Variants in PGM2L1 observed in about 807,000 individuals in gnomAD.
The protein encoded by PGM2L1 is phosphoglucomutase 2 like 1.
PGM2L1 carries 35 observed loss-of-function variants against 73.4 expected under a neutral mutation model. The ratio of observed to expected loss-of-function variants is 0.48; its 90% confidence interval spans 0.36 to 0.63. PGM2L1 has a LOEUF of 0.63. Among genes scored for constraint, PGM2L1 ranks in the 30% least tolerant of loss-of-function variants. The probability of loss-of-function intolerance (pLI) is 0.00; values close to 1 mark genes in which losing one functional copy is unlikely to be tolerated. For synonymous variants in PGM2L1, 225 were observed against 253.8 expected, an observed-to-expected ratio of 0.89 and a Z score of 1.08; for missense variants, 570 against 742.0, an observed-to-expected ratio of 0.77 and a Z score of 2.69.
At chr11:74,394,061 G>A (rs754549552) in intron 1 of PGM2L1, among the ~76,000 whole-genome samples, 10 of 152,220 alleles carry the variant, frequency 6.6e-5, no homozygotes, top group Middle Eastern at 3.4e-3. Flanking sequence ...TCATCTGTTC[G>A]CTGCCTGGAG....
intron 5 of PGM2L1, chr11:74,354,631 A>G (rs1862413966): frequency 1.7e-6 from 2 of 1,143,526 alleles, no homozygotes; most frequent in East Asian, 4.7e-5. Context: ...CACATATGCC[A>G]CTGTGGAGGA....
chr11:74,346,624 A>T, intron 8 of PGM2L1, 108 bp downstream of exon 8: 1 of 825,472 alleles, frequency 1.2e-6, no homozygotes, highest in Non-Finnish European at 1.9e-6. Flanking sequence ...TTTACAGGAA[A>T]TTTATGTTCT....
At chr11:74,362,458 A>G (rs1214125842) in intron 5 of PGM2L1, among the ~76,000 whole-genome samples, 1 of 152,236 alleles carries the variant, frequency 6.6e-6, no homozygotes, top group Admixed American at 6.5e-5. Flanking sequence ...TGTAAAGACT[A>G]TTAATGCTAG....
chr11:74,374,447 T>C lies in PGM2L1; in HGVS notation c.247A>G (p.Ile83Val), dbSNP rs1565443331. Residue 83 changes from isoleucine (I) to valine (V), a missense_variant, in exon 2 of 14, where the codon ATT (isoleucine) becomes GTT (valine). Physicochemically the swap from Ile to Val is conservative, Grantham distance 29. Transcript: ENST00000298198. ...RSAMGAGFCY[I>V]NDLTVIQSTQ... ...GACTGTATTACTGTAAGGTCATTAA[T>C]ATAGCAAAACCCTGCCCCCATGGCA... 1 of 1,613,736 alleles carries C rather than the reference T, an allele frequency of 6.2e-7. No homozygotes were observed. The highest frequency in any genetic ancestry group is 8.5e-7 in the Non-Finnish European group (1 of 1,179,822).
chr11:74,392,344 T>TA (rs1863114741), intron 1 of PGM2L1, among the ~76,000 whole-genome samples: 1 of 151,738 alleles, frequency 6.6e-6, no homozygotes, highest in Non-Finnish European at 1.5e-5. Flanking sequence ...TTTGGAAGTA[T>TA]AAAGAAAAAA....
rs1250699225 is a variant in PGM2L1, at chr11:74,345,679, G to C, written c.1038-30C>G. On this transcript the variant is annotated intron_variant, in intron 8 of 13. Coordinates refer to ENST00000298198, the MANE Select transcript of PGM2L1 (RefSeq NM_173582.6). ...AGAGAGAAGGAAAATACAATGTCAAGACCTTTCTTCTCATTAAAACTTCTT... is the reference window on the plus strand; with the variant it reads ...AGAGAGAAGGAAAATACAATGTCAACACCTTTCTTCTCATTAAAACTTCTT... 3.1e-6 allele frequency: 5 copies of C among 1,594,970 alleles called. No individual in the cohort carries two copies. The East Asian group carries it at 1.1e-4, about 36-fold the overall frequency.
rs1198709384 is a variant in PGM2L1, at chr11:74,334,899, C to G, written c.*1753G>C. The G allele has an allele frequency of 6.9e-6, 1 of 144,806 alleles. No homozygotes were observed. Among genetic ancestry groups the G allele is most frequent in the Non-Finnish European group, 1.5e-5 (1 of 67,010 alleles). The allele number at this position is 144,806 out of a possible 1,614,324, so 9.0% of individuals were successfully genotyped here. On this transcript the variant is annotated 3_prime_UTR_variant, in exon 14 of 14. Coordinates refer to ENST00000298198, the MANE Select transcript of PGM2L1 (RefSeq NM_173582.6). ...TTAAACACAGCATTTCTTTTTCTCT[C>G]TCTCTCTCTTTTTTTTTTTTTTTTT...
chr11:74,395,549 C>CTTTTT (rs60883108), intron 1 of PGM2L1, among the ~76,000 whole-genome samples: 677 of 64,972 alleles, frequency 0.01, 10 homozygotes, highest in East Asian at 0.023. Flanking sequence ...CCTCGCCTGG[C>CTTTTT]TTTTTTTTTT....
chr11:74,389,730 G>C (rs1460850385), intron 1 of PGM2L1, among the ~76,000 whole-genome samples: 2 of 151,078 alleles, frequency 1.3e-5, no homozygotes, highest in Non-Finnish European at 3.0e-5. Context: ...GATTACAGAC[G>C]TGAGCCACTG....
chr11:74,376,135 A>G (rs1450814938), intron 1 of PGM2L1, among the ~76,000 whole-genome samples: 2 of 152,206 alleles, frequency 1.3e-5, no homozygotes, highest in Admixed American at 6.5e-5. Context: ...TTCTGTCCAC[A>G]AAAATACCTT....
chr11:74,345,670 C>CAATGTCAAG, intron 8 of PGM2L1, 21 bp from the exon 9 acceptor site: 1 of 1,604,390 alleles, frequency 6.2e-7, no homozygotes, highest in Non-Finnish European at 8.5e-7. Flanking sequence ...AAGGAAAATA[C>CAATGTCAAG]AATGTCAAGA....
At chr11:74,340,788 A>G (rs1862170345) in intron 12 of PGM2L1, among the ~76,000 whole-genome samples, 1 of 152,208 alleles carries the variant, frequency 6.6e-6, no homozygotes, top group Non-Finnish European at 1.5e-5. Context: ...AAACCTGAAG[A>G]GGAAGGTGTC....
intron 5 of PGM2L1, among the ~76,000 whole-genome samples, chr11:74,356,660 T>C (rs1184684608): frequency 6.6e-6 from 1 of 152,156 alleles, no homozygotes; most frequent in Non-Finnish European, 1.5e-5. Flanking sequence ...TCAAGAAGAC[T>C]GGGAGGAAAT....
chr11:74,361,411 C>G (rs1214035516), intron 5 of PGM2L1, among the ~76,000 whole-genome samples: 2 of 152,124 alleles, frequency 1.3e-5, no homozygotes, highest in Non-Finnish European at 2.9e-5. Flanking sequence ...TCACCATCAT[C>G]AAAGACCAAA....
In PGM2L1 at chr11:74,334,759, T is replaced by C. The variant is rs1197557984; in HGVS notation, c.*1893A>G. On this transcript the variant is annotated 3_prime_UTR_variant, in exon 14 of 14. Transcript: ENST00000298198. Reference sequence around the variant, plus strand: ...ATTATTTTATATGAAATAAATTCTCTAATTACAGTGCTATCTCCCATAAGC... The same window carrying C: ...ATTATTTTATATGAAATAAATTCTCCAATTACAGTGCTATCTCCCATAAGC... 6.6e-6 allele frequency: 1 copy of C among 152,228 alleles called. No individual in the cohort carries two copies. Among genetic ancestry groups the C allele is most frequent in the Non-Finnish European group, 1.5e-5 (1 of 68,030 alleles). The allele number at this position is 152,228 out of a possible 1,614,324, so 9.4% of individuals were successfully genotyped here. A position where few individuals can be genotyped will look rare whatever the true frequency, so the allele number is the denominator to read the frequency against.
chr11:74,359,144 A>G (rs1372032202), intron 5 of PGM2L1, among the ~76,000 whole-genome samples: 1 of 152,208 alleles, frequency 6.6e-6, no homozygotes, highest in East Asian at 1.9e-4. Context: ...TATCTGCTTC[A>G]TTCATCTTTA....
intron 5 of PGM2L1, among the ~76,000 whole-genome samples, chr11:74,359,084 TATTCATATC>T (rs1290931960): frequency 6.6e-6 from 1 of 152,206 alleles, no homozygotes; most frequent in Non-Finnish European, 1.5e-5. Flanking sequence ...TTCATGCATA[TATTCATATC>T]ATTCATATGT....
At chr11:74,353,335 A>ATT (rs560297384) in intron 5 of PGM2L1, among the ~76,000 whole-genome samples, 7,971 of 148,016 alleles carry the variant, frequency 0.054, 666 homozygotes, top group African/African-American at 0.18. Flanking sequence ...TTAAATGTAA[A>ATT]TTTTTTTTTT....
intron 1 of PGM2L1, among the ~76,000 whole-genome samples, chr11:74,395,613 G>A (rs137897120): frequency 0.019 from 2,539 of 135,980 alleles, 92 homozygotes; most frequent in African/African-American, 0.069. Flanking sequence ...CACTATGTTG[G>A]CCAGGCTGGT....
Sources: gnomAD v4.1 joint callset for allele counts (sites outside exome capture counted in the v4.1 genomes callset) on GRCh38, gnomAD v4.1.1 for gene constraint, MANE v1.5 for transcripts, NCBI Gene and HGNC (gene_info 2026-07-23, HGNC 2026-07-21) for gene names.